The following TACC2 variants were observed in gnomAD, a reference collection of about 807,000 sequenced individuals.
TACC2 encodes the protein transforming acidic coiled-coil-containing protein 2.
Under a neutral mutation model 227.3 loss-of-function variants are expected in TACC2, and 137 were observed. That is an observed-to-expected ratio of 0.60 (90% CI 0.52 to 0.69). The LOEUF (loss-of-function observed/expected upper bound fraction) is 0.69, where lower values mean the gene tolerates loss of function less well. Among genes scored for constraint, TACC2 ranks in the 30% least tolerant of loss-of-function variants. The pLI, the probability that TACC2 is intolerant of heterozygous loss-of-function variation, is 0.00. For missense variants in TACC2, 3,470 were observed against 3,694.4 expected (o/e 0.94, Z 1.57); for synonymous variants, 1,523 against 1,487.5 (o/e 1.02, Z -0.55).
chr10:122,045,736 A>G (rs904484897), intron 2 of TACC2, among the ~76,000 whole-genome samples: 1 of 152,202 alleles, frequency 6.6e-6, no homozygotes, highest in Admixed American at 6.5e-5. Context: ...GCTCACGGGG[A>G]TTTTATAAGA....
intron 7 of TACC2, among the ~76,000 whole-genome samples, chr10:122,169,436 G>A (rs1327318314): frequency 6.6e-6 from 1 of 152,194 alleles, no homozygotes; most frequent in African/African-American, 2.4e-5. Flanking sequence ...AGACCTCATA[G>A]TACATATTTT....
intron 1 of TACC2, among the ~76,000 whole-genome samples, chr10:122,000,428 G>C (rs564176754): frequency 1.9e-4 from 29 of 152,094 alleles, no homozygotes; most frequent in Non-Finnish European, 3.5e-4. Flanking sequence ...TACTTTAGTA[G>C]CCAAATTACT....
rs185164847 is a variant in TACC2 at position 122,229,379 on chromosome 10, G to T, written c.7930G>T (p.Ala2644Ser). The T allele has an allele frequency of 1.6e-5, 26 of 1,613,500 alleles. No homozygotes were observed. In the African/African-American group the frequency reaches 2.5e-4, roughly 16 times the overall value. Residue 2644 changes from alanine to serine, a missense_variant, in exon 15 of 23, where the codon GCC becomes TCC. This residue lies in a region of TACC2 where 345 missense variants were observed against 354.4 expected (regional missense o/e 0.97). Transcript: ENST00000369005. ...APEGSFASAD[A>S]LLSRLAHPVS... is the part of the protein sequence containing the mutation. Reference sequence around the variant, plus strand: ...CGAGGGCTCCTTTGCCTCTGCTGACGCCCTCCTCAGCAGGCTAGCTCACCC... The same window carrying T: ...CGAGGGCTCCTTTGCCTCTGCTGACTCCCTCCTCAGCAGGCTAGCTCACCC...
intron 7 of TACC2, among the ~76,000 whole-genome samples, chr10:122,171,637 A>G (rs552523305): frequency 3.9e-5 from 6 of 152,362 alleles, no homozygotes; most frequent in Admixed American, 1.3e-4. Flanking sequence ...TCATTATTCA[A>G]AATAAGTCAG....
chr10:121,989,849 C>A (rs1326455619), intron 1 of TACC2, among the ~76,000 whole-genome samples: 1 of 151,712 alleles, frequency 6.6e-6, no homozygotes, highest in African/African-American at 2.4e-5. Flanking sequence ...CCCAGAACTA[C>A]TGGGCTCAAG....
At chr10:122,048,941 A>T (rs1199882986) in intron 2 of TACC2, among the ~76,000 whole-genome samples, 1 of 152,234 alleles carries the variant, frequency 6.6e-6, no homozygotes, top group Admixed American at 6.5e-5. Context: ...ACTCTGAGTT[A>T]AAATTCAGTA....
At chr10:122,006,770 C>A (rs774276473) in intron 1 of TACC2, among the ~76,000 whole-genome samples, 3 of 151,704 alleles carry the variant, frequency 2.0e-5, no homozygotes, top group Non-Finnish European at 4.4e-5. Context: ...ATAATTCCTT[C>A]TTTGCCTGTC....
At chr10:122,013,643 A>G (rs376528802) in intron 1 of TACC2, among the ~76,000 whole-genome samples, 36 of 152,326 alleles carry the variant, frequency 2.4e-4, no homozygotes, top group Middle Eastern at 6.8e-3. Flanking sequence ...AGCAAACACA[A>G]CTTGGACCAT....
At chr10:122,253,003 A>G (rs1331676085) in intron 22 of TACC2, among the ~76,000 whole-genome samples, 2 of 152,144 alleles carry the variant, frequency 1.3e-5, no homozygotes, top group East Asian at 3.9e-4. Context: ...GAGGAGAGCC[A>G]CTTCCTCCCA....
chr10:122,095,474 C>G (rs1025936797), intron 5 of TACC2, among the ~76,000 whole-genome samples: 2 of 152,236 alleles, frequency 1.3e-5, no homozygotes, highest in Non-Finnish European at 2.9e-5. Context: ...ATTCCCCACT[C>G]TGGGCCAATG....
chr10:122,198,416 T>G (rs1021609709), intron 8 of TACC2, among the ~76,000 whole-genome samples: 1 of 152,208 alleles, frequency 6.6e-6, no homozygotes, highest in Non-Finnish European at 1.5e-5. Context: ...GGTTGGCTGA[T>G]GTACAGTGAC....
intron 7 of TACC2, among the ~76,000 whole-genome samples, chr10:122,176,115 C>CTATATATA (rs1232356115): frequency 9.3e-4 from 44 of 47,170 alleles, no homozygotes; most frequent in Admixed American, 1.7e-3. Flanking sequence ...CTCTCTCTCT[C>CTATATATA]TCTATATATA....
At chr10:122,021,878 GA>G (rs1338798720) in intron 1 of TACC2, 58 bp from the exon 2 acceptor site, 1 of 1,055,288 alleles carries the variant, frequency 9.5e-7, no homozygotes, top group Admixed American at 1.9e-5. Context: ...TGAGCAGACA[GA>G]AAAAACCTCA....
intron 2 of TACC2, among the ~76,000 whole-genome samples, chr10:122,046,331 G>T (rs2074993538): frequency 6.6e-6 from 1 of 151,576 alleles, no homozygotes. Context: ...AAAATTAGCC[G>T]GGCGTGGTGG....
At chr10:122,069,369 G>A (rs955485271) in intron 3 of TACC2, among the ~76,000 whole-genome samples, 2 of 152,072 alleles carry the variant, frequency 1.3e-5, no homozygotes, top group South Asian at 2.1e-4. Context: ...AGCCTCCCAA[G>A]TAGCTGGGAC....
intron 8 of TACC2, among the ~76,000 whole-genome samples, chr10:122,207,954 C>G (rs1466943855): frequency 6.6e-6 from 1 of 152,196 alleles, no homozygotes; most frequent in Non-Finnish European, 1.5e-5. Context: ...CTCAGCATCC[C>G]CTGGTCCTCT....
intron 1 of TACC2, among the ~76,000 whole-genome samples, chr10:122,003,996 G>A (rs909255931): frequency 2.6e-5 from 4 of 152,016 alleles, no homozygotes; most frequent in Admixed American, 6.6e-5. Flanking sequence ...GGCTAGGAGC[G>A]GTGGCTTACG....
At chr10:122,238,969 A>C (rs1035681330) in intron 18 of TACC2, among the ~76,000 whole-genome samples, 2 of 152,026 alleles carry the variant, frequency 1.3e-5, no homozygotes, top group Non-Finnish European at 2.9e-5. Flanking sequence ...CACCATGTAT[A>C]GTGTACATAA....
intron 7 of TACC2, among the ~76,000 whole-genome samples, chr10:122,158,729 A>G (rs1424659836): frequency 2.0e-5 from 3 of 152,258 alleles, no homozygotes; most frequent in Non-Finnish European, 2.9e-5. Flanking sequence ...CTTGTACTTA[A>G]GCCCAAGAAA....
Sources: gnomAD v4.1 joint callset for allele counts (sites outside exome capture counted in the v4.1 genomes callset) on GRCh38, gnomAD v4.1.1 for gene constraint, gnomAD v4.1.1 regional missense constraint, MANE v1.5 for transcripts, NCBI Gene and HGNC (gene_info 2026-07-23, HGNC 2026-07-21) for gene names.